Variants in LRBA observed in about 807,000 individuals in gnomAD.
The protein encoded by LRBA is lipopolysaccharide-responsive and beige-like anchor protein.
LRBA carries 176 observed loss-of-function variants against 330.0 expected under a neutral mutation model. That is an observed-to-expected ratio of 0.53 (90% CI 0.47 to 0.60). The LOEUF is 0.60. Among genes scored for constraint, LRBA ranks in the 20% least tolerant of loss-of-function variants. The pLI, the probability that LRBA is intolerant of heterozygous loss-of-function variation, is 0.00. For missense variants in LRBA, 3,259 were observed against 3,444.8 expected (o/e 0.95, Z 1.35); for synonymous variants, 1,230 against 1,193.0 (o/e 1.03, Z -0.64).
At chr4:150,631,760 CAG>C (rs1224466688) in intron 37 of LRBA, among the ~76,000 whole-genome samples, 1 of 152,076 alleles carries the variant, frequency 6.6e-6, no homozygotes, top group Non-Finnish European at 1.5e-5. Flanking sequence ...TTAATAAAAA[CAG>C]AAAACACCGG....
intron 47 of LRBA, among the ~76,000 whole-genome samples, chr4:150,376,875 T>A (rs561465282): frequency 1.4e-3 from 211 of 152,220 alleles, no homozygotes; most frequent in African/African-American, 4.8e-3. Flanking sequence ...GATGAGACCT[T>A]GGCTCCTCTT....
At chr4:150,984,470 T>C (rs1173101777) in intron 2 of LRBA, among the ~76,000 whole-genome samples, 1 of 151,978 alleles carries the variant, frequency 6.6e-6, no homozygotes, top group Non-Finnish European at 1.5e-5. Context: ...GATTGCGCCA[T>C]TGCACTCCAG....
intron 46 of LRBA, among the ~76,000 whole-genome samples, chr4:150,429,064 T>G (rs1434372281): frequency 2.0e-5 from 3 of 152,112 alleles, no homozygotes; most frequent in Non-Finnish European, 4.4e-5. Flanking sequence ...ATGGAGCTAA[T>G]GGTCAAGTGG....
intron 2 of LRBA, among the ~76,000 whole-genome samples, chr4:151,000,495 A>G (rs1743208192): frequency 1.3e-5 from 2 of 152,326 alleles, no homozygotes; most frequent in South Asian, 4.1e-4. Context: ...TAAGTAAAAT[A>G]AGGGTTACTT....
chr4:150,332,452 T>C (rs962509048), intron 48 of LRBA, among the ~76,000 whole-genome samples: 6 of 152,322 alleles, frequency 3.9e-5, no homozygotes, highest in East Asian at 3.9e-4. Context: ...TTCCAACTTA[T>C]TGATCAGACT....
intron 36 of LRBA, among the ~76,000 whole-genome samples, chr4:150,715,276 G>A (rs545400962): frequency 6.6e-6 from 1 of 152,234 alleles, no homozygotes; most frequent in African/African-American, 2.4e-5. Context: ...CTAAGATACT[G>A]TCAAGGTTGC....
At chr4:150,813,993 T>C (rs1034140670) in intron 31 of LRBA, among the ~76,000 whole-genome samples, 7 of 152,172 alleles carry the variant, frequency 4.6e-5, no homozygotes, top group South Asian at 2.1e-4. Flanking sequence ...ATATTCTAAG[T>C]CACAAATGCA....
chr4:150,961,091 C>T (rs183567254), intron 2 of LRBA, among the ~76,000 whole-genome samples: 2 of 149,096 alleles, frequency 1.3e-5, no homozygotes, highest in Non-Finnish European at 2.9e-5. Context: ...GCTTTGATTG[C>T]CAGTCACACC....
At chr4:150,905,050 G>A (rs919919178) in intron 13 of LRBA, among the ~76,000 whole-genome samples, 1 of 152,088 alleles carries the variant, frequency 6.6e-6, no homozygotes, top group African/African-American at 2.4e-5. Context: ...AAAATGATCT[G>A]TTTCAAGTTA....
intron 40 of LRBA, among the ~76,000 whole-genome samples, chr4:150,504,700 G>T (rs1231128228): frequency 6.6e-6 from 1 of 152,112 alleles, no homozygotes; most frequent in Admixed American, 6.6e-5. Flanking sequence ...GAGCAAAATA[G>T]CCAGCTGACA....
intron 40 of LRBA, among the ~76,000 whole-genome samples, chr4:150,541,270 A>T (rs1333261961): frequency 6.6e-6 from 1 of 152,132 alleles, no homozygotes; most frequent in African/African-American, 2.4e-5. Context: ...CACCTATAAA[A>T]AGGTTTCCCA....
chr4:150,577,282 T>A (rs1350033824), intron 40 of LRBA, among the ~76,000 whole-genome samples: 1 of 152,016 alleles, frequency 6.6e-6, no homozygotes, highest in African/African-American at 2.4e-5. Context: ...TCAACTAGAA[T>A]ACACTAACAA....
At chr4:150,365,791 CAAAAAAAAA>C (rs58972028) in intron 47 of LRBA, among the ~76,000 whole-genome samples, 1 of 91,690 alleles carries the variant, frequency 1.1e-5, no homozygotes, top group Non-Finnish European at 2.2e-5. Flanking sequence ...AACTCTGTCT[CAAAAAAAAA>C]AAAAAAAAAA....
chr4:150,391,623 G>A (rs1743949152), intron 47 of LRBA, among the ~76,000 whole-genome samples: 1 of 152,016 alleles, frequency 6.6e-6, no homozygotes, highest in Non-Finnish European at 1.5e-5. Flanking sequence ...AACTAGGTAA[G>A]TAAATTGTGT....
In LRBA at chr4:150,593,320, G is replaced by A. The variant is rs889351707; in HGVS notation, c.6047-2461C>T. 3.3e-5 allele frequency among the ~76,000 whole-genome samples: 5 copies of A among 152,020 alleles called. No homozygotes were observed. In the East Asian group the frequency reaches 9.6e-4, roughly 29 times the overall value. ...TTACATATCATTTTGCATAAGTCAGGGAGTAGTGTTAAAAATACTTTACAT... is the reference window on the plus strand; with the variant it reads ...TTACATATCATTTTGCATAAGTCAGAGAGTAGTGTTAAAAATACTTTACAT... On this transcript the variant is annotated intron_variant, in intron 38 of 56. Transcript: ENST00000651943.
At chr4:150,528,207 C>G (rs1016114278) in intron 40 of LRBA, among the ~76,000 whole-genome samples, 1 of 151,878 alleles carries the variant, frequency 6.6e-6, no homozygotes, top group Non-Finnish European at 1.5e-5. Context: ...GGGAAAAATG[C>G]GTGTGAGAAA....
chr4:150,718,120 T>A (rs1319535856), intron 36 of LRBA, among the ~76,000 whole-genome samples: 1 of 152,080 alleles, frequency 6.6e-6, no homozygotes, highest in Admixed American at 6.6e-5. Context: ...AACCATAAGA[T>A]TAAGAAACAA....
chr4:150,287,600 T>C (rs1748299150), intron 53 of LRBA, among the ~76,000 whole-genome samples: 1 of 152,188 alleles, frequency 6.6e-6, no homozygotes, highest in African/African-American at 2.4e-5. Flanking sequence ...ACAATGTCCT[T>C]CAAGGCTTTG....
At chr4:150,732,063 G>A (rs984956158) in intron 36 of LRBA, among the ~76,000 whole-genome samples, 5 of 152,078 alleles carry the variant, frequency 3.3e-5, no homozygotes, top group East Asian at 1.9e-4. Flanking sequence ...ATGGCTTGGT[G>A]GAATTCTATG....
Sources: allele counts gnomAD v4.1 joint callset (sites outside exome capture counted in the v4.1 genomes callset), GRCh38; gene constraint gnomAD v4.1.1; transcripts MANE v1.5; gene names NCBI Gene and HGNC (gene_info 2026-07-23, HGNC 2026-07-21).